NOTCH3: variants seen among roughly 807,000 people sequenced by gnomAD.
NOTCH3 encodes the protein neurogenic locus notch homolog protein 3.
A neutral mutation model predicts 213.3 loss-of-function variants in NOTCH3; 86 were observed. The observed-to-expected ratio is 0.40, with a 90% CI of 0.34 to 0.48. The LOEUF (loss-of-function observed/expected upper bound fraction) is 0.48. Ranked by LOEUF, NOTCH3 falls within the 20% of genes least tolerant of loss-of-function variation. The probability of loss-of-function intolerance (pLI) is 0.57; values close to 1 mark genes in which losing one functional copy is unlikely to be tolerated. For synonymous variants in NOTCH3, 1,354 were observed against 1,355.9 expected (o/e 1.00, Z 0.03); for missense variants, 2,783 against 3,272.6 (o/e 0.85, Z 3.65).
intron 28 of NOTCH3, among the ~76,000 whole-genome samples, chr19:15,169,305 C>A (rs1228410132): frequency 6.6e-6 from 1 of 152,056 alleles, no homozygotes; most frequent in Non-Finnish European, 1.5e-5. Context: ...AGGAAGAGAG[C>A]CCTTACCAGG....
rs1307960585 is a variant in NOTCH3 at position 15,179,212 on chromosome 19, T to C, written c.3531A>G (p.Leu1177=). The C allele has an allele frequency of 4.3e-6, 7 of 1,613,802 alleles. No individual in the cohort carries two copies. In the African/African-American group the frequency reaches 9.3e-5, roughly 22 times the overall value. ...CCAGGTCCACGCAGGTGCCATTGTG[T>C]AGGCACCGGGGCCCTGAGTCCAGCG... ...GPPLDSGPRC[L]HNGTCVDLVG... The change falls in exon 22 of 33, where the codon CTA becomes CTG. Residue 1177 remains leucine (L), a synonymous_variant. Coordinates refer to ENST00000263388, the MANE Select transcript of NOTCH3 (RefSeq NM_000435.3).
rs769933605 is a variant in NOTCH3, at chr19:15,165,530, G to T, written c.5668-15C>A. ...CGGATGAGAATCTAGGACAGAGAGT[G>T]GATGCAGCAGGAGGGGTCATGGCAG... On this transcript the variant is annotated splice_polypyrimidine_tract_variant and intron_variant, in intron 30 of 32. Transcript: ENST00000263388. This position sits in a 1 kb window ranked among gnomAD's most constrained non-coding sequence, Gnocchi z 4.7. The T allele has an allele frequency of 1.9e-6, 3 of 1,609,872 alleles. No individual in the cohort carries two copies. In the Admixed American group the frequency reaches 5.0e-5, roughly 27 times the overall value.
intron 10 of NOTCH3, 92 bp downstream of exon 10, chr19:15,187,789 C>T (rs530847080): frequency 1.3e-5 from 14 of 1,050,204 alleles, no homozygotes; most frequent in South Asian, 5.4e-5. Context: ...GCTACAACCC[C>T]GCCCCCAAGC....
Position 15,187,393 on chromosome 19 carries a change from T to G in NOTCH3, c.1607-55A>C. 2.6e-6 allele frequency: 4 copies of G among 1,517,416 alleles called. No individual in the cohort carries two copies. In the South Asian group the frequency reaches 3.4e-5, roughly 13 times the overall value. 94.0% of individuals were successfully genotyped at this position (1,517,416 alleles called of 1,614,324 possible). ...CACTTGCCAGGGGCCTGCCCACAAG[T>G]GAGGCCTCGGACCAATCCTGGTTCA... On this transcript the variant is annotated intron_variant, in intron 10 of 32. Transcript: ENST00000263388.
At chr19:15,161,802 G>A in intron 32 of NOTCH3, 88 bp from the exon 33 acceptor site, 1 of 1,163,922 alleles carries the variant, frequency 8.6e-7, no homozygotes, top group Non-Finnish European at 1.2e-6. Flanking sequence ...CGAGAGCTAT[G>A]AGTTTGTACA....
At position 15,184,979 on chromosome 19, in the gene NOTCH3, G is replaced by C; in HGVS notation, c.2337C>G (p.Pro779=). ...ACTCGCAGCGGCCCCCATGCTCACAGGGGTTCGGGGTGCAGGGGGAGAGGA... is the reference window on the plus strand; with the variant it reads ...ACTCGCAGCGGCCCCCATGCTCACACGGGTTCGGGGTGCAGGGGGAGAGGA... ...CELLSPCTPN[P]CEHGGRCESA... is the part of the protein sequence containing the mutation. The change falls in exon 15 of 33, where the codon CCC becomes CCG. Residue 779 remains proline, a synonymous_variant. Coordinates refer to ENST00000263388, the MANE Select transcript of NOTCH3 (RefSeq NM_000435.3). 3 of 1,543,118 alleles carry C rather than the reference G, an allele frequency of 1.9e-6. No individual in the cohort carries two copies. The highest frequency in any genetic ancestry group is 2.6e-6 in the Non-Finnish European group (3 of 1,141,800).
rs2145429169 is a variant in NOTCH3 at position 15,185,188 on chromosome 19, G to A, written c.2296+69C>T. ...GAAGCTAACATAGCGGGAGGAGAGA[G>A]TAGAGGAGAAGAGAGATGAGAAGGC... On this transcript the variant is annotated intron_variant, in intron 14 of 32. Transcript: ENST00000263388. This position sits in a 1 kb window ranked among gnomAD's most constrained non-coding sequence, Gnocchi z 4.2. The A allele has an allele frequency of 1.3e-6, 2 of 1,569,530 alleles. No individual in the cohort carries two copies. The highest frequency in any genetic ancestry group is 1.8e-6 in the Non-Finnish European group (2 of 1,141,378).
chr19:15,188,407 C>A, intron 8 of NOTCH3, 59 bp from the exon 9 acceptor site: 1 of 1,116,868 alleles, frequency 9.0e-7, no homozygotes, highest in Non-Finnish European at 1.3e-6. Flanking sequence ...GAACGGGGTG[C>A]AAGGAAGGAG....
chr19:15,171,596 C>T (rs1350938271), intron 25 of NOTCH3, among the ~76,000 whole-genome samples: 4 of 152,118 alleles, frequency 2.6e-5, no homozygotes, highest in Non-Finnish European at 5.9e-5. Context: ...CTCCGGGGCT[C>T]AAGCAATCCT....
chr19:15,183,996 T>C (rs1194147815), intron 16 of NOTCH3, among the ~76,000 whole-genome samples: 1 of 136,602 alleles, frequency 7.3e-6, no homozygotes, highest in African/African-American at 2.9e-5. Context: ...TGAGCGATGA[T>C]TGCAACACTG....
At chr19:15,173,730 AAAAAAAAAAAAG>A (rs1275363125) in intron 25 of NOTCH3, among the ~76,000 whole-genome samples, 419 of 9,098 alleles carry the variant, frequency 0.046, 25 homozygotes, top group African/African-American at 0.2. Flanking sequence ...GTCTCAAAAA[AAAAAAAAAAAAG>A]AAAAGAAGAA....
At position 15,174,293 on chromosome 19, in the gene NOTCH3, A is replaced by G; in HGVS notation, c.4511T>C (p.Val1504Ala). ...CACGCCGCGGGCCAGCAGGGCCGGC[A>G]CCTCGCTGGCACAATCCAGCCCATC... ...GWDGLDCASE[V>A]PALLARGVLV... Residue 1504 changes from valine (V) to alanine (A), a missense_variant, in exon 25 of 33, where the codon GTG becomes GCG. Physicochemically the swap from Val to Ala is moderately conservative, Grantham distance 64. Coordinates refer to ENST00000263388, the MANE Select transcript of NOTCH3 (RefSeq NM_000435.3). The G allele has an allele frequency of 1.3e-6, 2 of 1,557,890 alleles. No homozygotes were observed. The highest frequency in any genetic ancestry group is 3.5e-4 in the Middle Eastern group (2 of 5,776).
At chr19:15,173,739 A>G (rs149239566) in intron 25 of NOTCH3, among the ~76,000 whole-genome samples, 72 of 5,156 alleles carry the variant, frequency 0.014, no homozygotes, top group African/African-American at 0.086. Context: ...AAAAAAAAAA[A>G]AAGAAAAGAA....
chr19:15,185,255 A>G lies in NOTCH3; in HGVS notation c.2296+2T>C. The G allele has an allele frequency of 6.2e-7, 1 of 1,613,046 alleles. No individual in the cohort carries two copies. The highest frequency in any genetic ancestry group is 8.5e-7 in the Non-Finnish European group (1 of 1,179,984). ...GCTGCAGAGGGAAGGTGAGGTACAC[A>G]CCCTGGACACCAGGCGGGCAGGTGC... On this transcript the variant is annotated splice_donor_variant, in intron 14 of 32. Transcript: ENST00000263388. LOFTEE classifies it high-confidence loss of function. This position sits in a 1 kb window ranked among gnomAD's most constrained non-coding sequence, Gnocchi z 4.2.
chr19:15,192,637 G>A (rs1479347781), intron 2 of NOTCH3, 118 bp from the exon 3 acceptor site: 25 of 1,400,760 alleles, frequency 1.8e-5, no homozygotes, highest in East Asian at 2.5e-5. Flanking sequence ...CACATTTGCT[G>A]GGAGCAGTGG....
chr19:15,163,842 GA>G (rs917672537), intron 31 of NOTCH3, among the ~76,000 whole-genome samples: 3 of 150,030 alleles, frequency 2.0e-5, no homozygotes, highest in East Asian at 2.0e-4. Context: ...AAAAATAAAA[GA>G]AAAAAAAAGT....
rs2046805011 is a variant in NOTCH3, at chr19:15,177,863, G to T, written c.4065C>A (p.Leu1355=). ...CGCAAGCGCAGCGGAAGAAGGGCGC[G>T]AGCGGCGCGGGGCGGCAGGAGCCCC... ...LHGGSCRPAP[L]APFFRCACAQ... Residue 1355 remains leucine (L), a synonymous_variant, in exon 24 of 33, where the codon CTC becomes CTA. Coordinates refer to ENST00000263388, the MANE Select transcript of NOTCH3 (RefSeq NM_000435.3). 3.3e-6 allele frequency: 4 copies of T among 1,223,248 alleles called. No individual in the cohort carries two copies. Among genetic ancestry groups the T allele is most frequent in the Non-Finnish European group, 4.1e-6 (4 of 984,086 alleles). The allele number at this position is 1,223,248 out of a possible 1,614,324, so 75.8% of individuals were successfully genotyped here. A position where few individuals can be genotyped will look rare whatever the true frequency, so the allele number is the denominator to read the frequency against.
In NOTCH3 at chr19:15,172,441, C is replaced by T. The variant is rs538763413; in HGVS notation, c.4737-1616G>A. On this transcript the variant is annotated intron_variant, in intron 25 of 32. Coordinates refer to ENST00000263388, the MANE Select transcript of NOTCH3 (RefSeq NM_000435.3). The stretch of plus-strand genomic sequence containing the variant: ...AAATGACCTGTTTTTCACTTTGTGG[C>T]CCTATCACTCAGCTTAGCCAGGGGC... Among the ~76,000 whole-genome samples the T allele has an allele frequency of 1.3e-3, 194 of 152,168 alleles. 2 individuals are homozygous for T. The highest frequency in any genetic ancestry group is 1.7e-3 in the Non-Finnish European group (115 of 68,032).
At position 15,177,505 on chromosome 19, in the gene NOTCH3, G is replaced by A. The variant is rs767041937; in HGVS notation, c.4403+20C>T. 4 of 1,600,296 alleles carry A rather than the reference G, an allele frequency of 2.5e-6. No homozygotes were observed. Among genetic ancestry groups the A allele is most frequent in the Admixed American group, 3.4e-5 (2 of 58,582 alleles). ...GGATGGATGCATAGACAGACGGATC[G>A]ATCGGGTGGATGGGCTCACTTGCAA... On this transcript the variant is annotated intron_variant, in intron 24 of 32. Coordinates refer to ENST00000263388, the MANE Select transcript of NOTCH3 (RefSeq NM_000435.3).
Sources: allele counts gnomAD v4.1 joint callset (sites outside exome capture counted in the v4.1 genomes callset), GRCh38; gene constraint gnomAD v4.1.1; non-coding constraint Gnocchi (gnomAD v3.1); transcripts MANE v1.5; gene names NCBI Gene and HGNC (gene_info 2026-07-23, HGNC 2026-07-21).